The following RTN1 variants were observed in gnomAD, a reference collection of about 807,000 sequenced individuals.
RTN1 encodes reticulon 1, also known as reticulon-1.
In RTN1, 25 loss-of-function variants were observed where a neutral mutation model predicts 65.5. The observed-to-expected ratio is 0.38, with a 90% CI of 0.28 to 0.53. The LOEUF is 0.53. RTN1 is among the 20% of genes least tolerant of loss of function. The pLI is 0.79. For missense variants in RTN1, 983 were observed against 1,025.4 expected, an observed-to-expected ratio of 0.96 and a Z score of 0.57; for synonymous variants, 471 against 447.6, an observed-to-expected ratio of 1.05 and a Z score of -0.66.
At position 59,609,837 on chromosome 14, in the gene RTN1, G is replaced by A. The variant is rs79490280; in HGVS notation, c.1766-2345C>T. On this transcript the variant is annotated intron_variant, in intron 3 of 8. Transcript: ENST00000267484. The stretch of plus-strand genomic sequence containing the variant: ...AAGTGCCAGGCTTTGTGCTGGAGGT[G>A]GGGATATAAAAATAAGTGAATTATA... Among the ~76,000 whole-genome samples, 13 of 152,280 alleles carry A rather than the reference G, an allele frequency of 8.5e-5. No individual in the cohort carries two copies. The East Asian group carries it at 2.5e-3, about 29-fold the overall frequency.
chr14:59,668,482 C>A (rs1187837829), intron 3 of RTN1, among the ~76,000 whole-genome samples: 5 of 152,142 alleles, frequency 3.3e-5, no homozygotes, highest in Non-Finnish European at 7.3e-5. Context: ...AAATGTTAGT[C>A]CTAAAACCAT....
At chr14:59,821,799 A>G (rs1235665301) in intron 1 of RTN1, among the ~76,000 whole-genome samples, 3 of 152,242 alleles carry the variant, frequency 2.0e-5, no homozygotes, top group Non-Finnish European at 4.4e-5. Flanking sequence ...AGTTCTGTTT[A>G]CATGAGAAAT....
intron 3 of RTN1, among the ~76,000 whole-genome samples, chr14:59,632,565 A>AT (rs1882576783): frequency 9.4e-6 from 1 of 105,924 alleles, no homozygotes; most frequent in African/African-American, 3.6e-5. Context: ...TGCCAGTCCA[A>AT]TGATAGCCCC....
intron 3 of RTN1, among the ~76,000 whole-genome samples, chr14:59,707,508 C>A (rs1377352019): frequency 6.6e-6 from 1 of 152,172 alleles, no homozygotes; most frequent in African/African-American, 2.4e-5. Context: ...GCTTTGTTCT[C>A]CACTCTCTCC....
At chr14:59,625,524 G>A (rs909866884) in intron 3 of RTN1, among the ~76,000 whole-genome samples, 3 of 151,944 alleles carry the variant, frequency 2.0e-5, no homozygotes, top group Non-Finnish European at 4.4e-5. Context: ...CACTTCTTCC[G>A]TTAAATTATT....
chr14:59,842,767 C>T (rs10137605), intron 1 of RTN1, among the ~76,000 whole-genome samples: 37,765 of 152,018 alleles, frequency 0.25, 4,973 homozygotes, highest in East Asian at 0.55. Context: ...CATCTTGGAA[C>T]ACCTCATTGG....
intron 3 of RTN1, among the ~76,000 whole-genome samples, chr14:59,692,412 G>C (rs55920641): frequency 0.019 from 2,936 of 152,280 alleles, 94 homozygotes; most frequent in African/African-American, 0.067. Context: ...AGAAATTATA[G>C]ATGACATTAA....
intron 1 of RTN1, among the ~76,000 whole-genome samples, chr14:59,827,995 T>G (rs1353463926): frequency 6.6e-6 from 1 of 152,246 alleles, no homozygotes; most frequent in Admixed American, 6.5e-5. Flanking sequence ...TAATGAGCTA[T>G]GTAAGACCAA....
rs376280390 is a variant in RTN1 at position 59,783,600 on chromosome 14, T to C, written c.242-37119A>G. ...GTGCTCTGGATGTTGGTATTCCTTG[T>C]CGAGAGCAGTGATGAGCGGCCTCTG... is the stretch of plus-strand genomic sequence containing the variant. On this transcript the variant is annotated intron_variant, in intron 1 of 8. Coordinates refer to ENST00000267484, the MANE Select transcript of RTN1 (RefSeq NM_021136.3). Among the ~76,000 whole-genome samples the C allele has an allele frequency of 8.5e-5, 13 of 152,136 alleles. No homozygotes were observed. In the East Asian group the frequency reaches 1.3e-3, roughly 16 times the overall value.
At chr14:59,657,147 A>G (rs1883137675) in intron 3 of RTN1, among the ~76,000 whole-genome samples, 1 of 152,168 alleles carries the variant, frequency 6.6e-6, no homozygotes, top group Non-Finnish European at 1.5e-5. Flanking sequence ...GGTGGCTCAC[A>G]CCTGTAATCC....
intron 1 of RTN1, among the ~76,000 whole-genome samples, chr14:59,809,069 T>G (rs1265628693): frequency 1.3e-5 from 2 of 152,198 alleles, no homozygotes; most frequent in Non-Finnish European, 2.9e-5. Context: ...TAAAAACACT[T>G]TTGCATCCTT....
At chr14:59,799,826 A>G (rs1198541597) in intron 1 of RTN1, among the ~76,000 whole-genome samples, 1 of 152,076 alleles carries the variant, frequency 6.6e-6, no homozygotes, top group Non-Finnish European at 1.5e-5. Flanking sequence ...GCTGGGGGAG[A>G]GGATTCCGTA....
intron 6 of RTN1, among the ~76,000 whole-genome samples, chr14:59,603,489 G>A (rs1881645002): frequency 6.6e-6 from 1 of 150,546 alleles, no homozygotes; most frequent in Non-Finnish European, 1.5e-5. Context: ...CAGGTATTTT[G>A]TAATTATTCC....
chr14:59,669,589 A>G (rs970154402), intron 3 of RTN1, among the ~76,000 whole-genome samples: 1 of 152,150 alleles, frequency 6.6e-6, no homozygotes, highest in African/African-American at 2.4e-5. Flanking sequence ...TATGTACCCT[A>G]GAACTTTAAG....
chr14:59,698,774 C>G (rs61985029), intron 3 of RTN1, among the ~76,000 whole-genome samples: 1 of 152,114 alleles, frequency 6.6e-6, no homozygotes, highest in Non-Finnish European at 1.5e-5. Context: ...GGACTAATAC[C>G]TAAGGCATTA....
In RTN1 at chr14:59,745,797, T is replaced by A; in HGVS notation, c.926A>T (p.Lys309Met). ...AGTGGGGACTGTGTCAGGACTTGGC[T>A]TTAGACATATATCTTGCTTCTCAGG... The part of the protein sequence containing the change: ...KTPEKQDICL[K>M]PSPDTVPTVT... The change falls in exon 2 of 9, where the codon AAG becomes ATG. Residue 309 changes from lysine to methionine, a missense_variant. Physicochemically the swap from Lys to Met is moderately conservative, Grantham distance 95. Around this residue, in one of 2 missense-constraint regions of RTN1, gnomAD observed 818 missense variants for 801.8 expected, o/e 1.02. Transcript: ENST00000267484. The A allele has an allele frequency of 6.2e-7, 1 of 1,614,106 alleles. No homozygotes were observed. Among genetic ancestry groups the A allele is most frequent in the Non-Finnish European group, 8.5e-7 (1 of 1,180,008 alleles).
intron 1 of RTN1, among the ~76,000 whole-genome samples, chr14:59,860,783 C>T (rs183188310): frequency 6.8e-4 from 103 of 152,260 alleles, no homozygotes; most frequent in Non-Finnish European, 1.2e-3. Flanking sequence ...CAGTGAGACA[C>T]GGAGTCAAAG....
chr14:59,820,307 TAGC>T (rs1886918299), intron 1 of RTN1, among the ~76,000 whole-genome samples: 1 of 151,250 alleles, frequency 6.6e-6, no homozygotes, highest in Non-Finnish European at 1.5e-5. Context: ...GTTAGACACA[TAGC>T]TTGTGAATAC....
intron 3 of RTN1, among the ~76,000 whole-genome samples, chr14:59,613,728 A>C (rs1359182899): frequency 1.3e-5 from 2 of 152,088 alleles, no homozygotes; most frequent in Non-Finnish European, 2.9e-5. Flanking sequence ...TAAAGCACTC[A>C]TGAGAGGCCC....
Sources: gnomAD v4.1 joint callset for allele counts (sites outside exome capture counted in the v4.1 genomes callset) on GRCh38, gnomAD v4.1.1 for gene constraint, gnomAD v4.1.1 regional missense constraint, MANE v1.5 for transcripts, NCBI Gene and HGNC (gene_info 2026-07-23, HGNC 2026-07-21) for gene names.